The following PRKACB variants were observed in gnomAD, a reference collection of about 807,000 sequenced individuals.
PRKACB encodes the protein cAMP-dependent protein kinase catalytic subunit beta.
In PRKACB, 16 loss-of-function variants were observed where a neutral mutation model predicts 51.4. The observed-to-expected ratio is 0.31, with a 90% confidence interval of 0.21 to 0.47. PRKACB has a LOEUF of 0.47. PRKACB is among the 20% of genes least tolerant of loss of function. PRKACB has a pLI of 1.00. For missense variants in PRKACB, 309 were observed against 464.5 expected, an observed-to-expected ratio of 0.67 and a Z score of 3.08; for synonymous variants, 147 against 154.4, an observed-to-expected ratio of 0.95 and a Z score of 0.35.
intron 8 of PRKACB, among the ~76,000 whole-genome samples, chr1:84,209,246 T>A (rs551341560): frequency 6.6e-6 from 1 of 152,254 alleles, no homozygotes; most frequent in African/African-American, 2.4e-5. Flanking sequence ...ATTTTTCCAG[T>A]CCATACCTGA....
chr1:84,095,751 A>G (rs959159557), intron 1 of PRKACB, among the ~76,000 whole-genome samples: 2 of 152,076 alleles, frequency 1.3e-5, no homozygotes, highest in East Asian at 3.9e-4. Context: ...TTCTTCTGAG[A>G]TACCAATTAC....
At chr1:84,081,636 A>G (rs969360753) in intron 1 of PRKACB, among the ~76,000 whole-genome samples, 1 of 152,162 alleles carries the variant, frequency 6.6e-6, no homozygotes, top group Admixed American at 6.5e-5. Context: ...TTACTTATCC[A>G]GTCTCTTCCT....
chr1:84,181,595 T>C, intron 2 of PRKACB: 1 of 1,028,342 alleles, frequency 9.7e-7, no homozygotes. Context: ...TCTTTCCTTA[T>C]TGTTGTTGTT....
intron 9 of PRKACB, among the ~76,000 whole-genome samples, chr1:84,218,896 G>T (rs1673258312): frequency 1.3e-5 from 2 of 152,124 alleles, no homozygotes; most frequent in South Asian, 4.1e-4. Flanking sequence ...GATTAATGGT[G>T]TTGAGCATTT....
chr1:84,114,681 C>T (rs898561347), intron 1 of PRKACB, among the ~76,000 whole-genome samples: 3 of 152,124 alleles, frequency 2.0e-5, no homozygotes, highest in Admixed American at 2.0e-4. Context: ...CGTCCCCCTC[C>T]CTGCTCCGTC....
chr1:84,146,680 C>T (rs1279440812), intron 1 of PRKACB, among the ~76,000 whole-genome samples: 1 of 151,830 alleles, frequency 6.6e-6, no homozygotes, highest in African/African-American at 2.4e-5. Context: ...ATAAACTAAG[C>T]ATAGAAACTA....
chr1:84,173,170 T>C (rs1660096799), intron 1 of PRKACB, among the ~76,000 whole-genome samples: 1 of 151,712 alleles, frequency 6.6e-6, no homozygotes, highest in Admixed American at 6.6e-5. Context: ...AAAGAATTTC[T>C]TGTAATCCTT....
intron 3 of PRKACB, among the ~76,000 whole-genome samples, chr1:84,183,126 C>T (rs1664048483): frequency 1.3e-5 from 2 of 151,976 alleles, no homozygotes; most frequent in Non-Finnish European, 2.9e-5. Flanking sequence ...TATTTAACTT[C>T]TTGACTTCTG....
chr1:84,234,093 G>A (rs74476224), intron 9 of PRKACB, among the ~76,000 whole-genome samples: 1 of 140,144 alleles, frequency 7.1e-6, no homozygotes, highest in African/African-American at 2.6e-5. Flanking sequence ...TGGGTTTTTG[G>A]TGTGGATGTC....
chr1:84,173,102 T>A (rs546681901), intron 1 of PRKACB, among the ~76,000 whole-genome samples: 8 of 151,820 alleles, frequency 5.3e-5, no homozygotes, highest in African/African-American at 1.2e-4. Flanking sequence ...CAGAAGATGA[T>A]AATTTATTAA....
intron 1 of PRKACB, among the ~76,000 whole-genome samples, chr1:84,176,203 T>C (rs952061066): frequency 2.0e-5 from 3 of 151,864 alleles, no homozygotes; most frequent in Non-Finnish European, 4.4e-5. Flanking sequence ...ATTGAGAACT[T>C]CAAACTATAT....
intron 1 of PRKACB, among the ~76,000 whole-genome samples, chr1:84,148,100 T>G (rs186106190): frequency 6.6e-6 from 1 of 152,302 alleles, no homozygotes; most frequent in Admixed American, 6.5e-5. Flanking sequence ...GACGTGACAG[T>G]CAGCATGGCA....
At chr1:84,187,501 G>C (rs1052459464) in intron 5 of PRKACB, among the ~76,000 whole-genome samples, 7 of 152,070 alleles carry the variant, frequency 4.6e-5, no homozygotes, top group Non-Finnish European at 8.8e-5. Flanking sequence ...TATGGCTTTG[G>C]GCAGTTTGAT....
At chr1:84,163,199 C>T (rs542999025) in intron 1 of PRKACB, among the ~76,000 whole-genome samples, 36 of 152,116 alleles carry the variant, frequency 2.4e-4, no homozygotes, top group Non-Finnish European at 4.1e-4. Context: ...TTAGGCAGTT[C>T]GGAAGTCTGT....
At chr1:84,112,217 G>C (rs1299829211) in intron 1 of PRKACB, among the ~76,000 whole-genome samples, 1 of 150,022 alleles carries the variant, frequency 6.7e-6, no homozygotes. Flanking sequence ...TCCTAAGTTG[G>C]ACTGCTTCTT....
intron 1 of PRKACB, among the ~76,000 whole-genome samples, chr1:84,121,277 A>G (rs1295982341): frequency 2.0e-5 from 3 of 151,844 alleles, no homozygotes; most frequent in African/African-American, 4.8e-5. Flanking sequence ...CCTCTTTATA[A>G]TCTCTTTCAT....
At chr1:84,226,333 A>C (rs1674601198) in intron 9 of PRKACB, among the ~76,000 whole-genome samples, 2 of 147,696 alleles carry the variant, frequency 1.4e-5, no homozygotes, top group South Asian at 4.2e-4. Context: ...GTAAAGTTGC[A>C]TATTAGGAGA....
chr1:84,130,251 GA>G (rs1652051325), intron 1 of PRKACB, among the ~76,000 whole-genome samples: 8 of 149,336 alleles, frequency 5.4e-5, no homozygotes, highest in Admixed American at 3.3e-4. Flanking sequence ...ACCCTGTAAG[GA>G]AATCCCTGGT....
chr1:84,127,808 G>A (rs554747711), intron 1 of PRKACB, among the ~76,000 whole-genome samples: 10 of 151,792 alleles, frequency 6.6e-5, no homozygotes, highest in African/African-American at 2.4e-4. Context: ...TATATTTTAT[G>A]TTTTGAAGAA....
Sources: gnomAD v4.1 joint callset for allele counts (sites outside exome capture counted in the v4.1 genomes callset) on GRCh38, gnomAD v4.1.1 for gene constraint, MANE v1.5 for transcripts, NCBI Gene and HGNC (gene_info 2026-07-23, HGNC 2026-07-21) for gene names.